GRIK3: variants seen among roughly 807,000 people sequenced by gnomAD.
GRIK3 encodes the protein glutamate ionotropic receptor kainate type subunit 3.
A neutral mutation model predicts 102.5 loss-of-function variants in GRIK3; 29 were observed. The observed-to-expected ratio is 0.28, with a 90% confidence interval of 0.21 to 0.39. The LOEUF is 0.39. Ranked by LOEUF, GRIK3 falls within the 10% of genes least tolerant of loss-of-function variation. GRIK3 has a pLI of 1.00. For missense variants in GRIK3, 908 were observed against 1,252.4 expected (o/e 0.73, Z 4.15); for synonymous variants, 511 against 504.9 (o/e 1.01, Z -0.16).
At chr1:36,989,155 T>A (rs1450662002) in intron 1 of GRIK3, among the ~76,000 whole-genome samples, 2 of 152,120 alleles carry the variant, frequency 1.3e-5, no homozygotes. Context: ...CCCGTACACA[T>A]GCTCCATGGT....
chr1:36,919,570 G>A (rs1641444230), intron 1 of GRIK3, among the ~76,000 whole-genome samples: 1 of 152,030 alleles, frequency 6.6e-6, no homozygotes, highest in African/African-American at 2.4e-5. Context: ...CAGGAGTCAG[G>A]CATGGTCATG....
chr1:36,902,075 C>CA (rs752246629), intron 1 of GRIK3, among the ~76,000 whole-genome samples: 39 of 152,162 alleles, frequency 2.6e-4, no homozygotes, highest in Non-Finnish European at 4.6e-4. Flanking sequence ...TGAAAGAAAT[C>CA]AAAGAATAAC....
In GRIK3 at chr1:36,872,767, G is replaced by A. The variant is rs1640857377; in HGVS notation, c.551-398C>T. 6.6e-6 allele frequency among the ~76,000 whole-genome samples: 1 copy of A among 152,076 alleles called. No individual in the cohort carries two copies. The highest frequency in any genetic ancestry group is 1.5e-5 in the Non-Finnish European group (1 of 68,022). ...CCCAGAATGGGTGTAAAGCCTTCAG[G>A]GCCTAAATCAGAGTTCACCCCTCTT... On this transcript the variant is annotated intron_variant, in intron 3 of 15. Coordinates refer to ENST00000373091, the MANE Select transcript of GRIK3 (RefSeq NM_000831.4). This position sits in a 1 kb window ranked among gnomAD's most constrained non-coding sequence, Gnocchi z 5.9.
intron 1 of GRIK3, among the ~76,000 whole-genome samples, chr1:36,896,045 T>C (rs1287924282): frequency 2.0e-5 from 3 of 152,102 alleles, no homozygotes; most frequent in Admixed American, 1.3e-4. Flanking sequence ...CCTTCAAAAG[T>C]GGAGAGAAAT....
intron 1 of GRIK3, among the ~76,000 whole-genome samples, chr1:36,955,421 C>T (rs1324247597): frequency 6.6e-6 from 1 of 152,216 alleles, no homozygotes; most frequent in Non-Finnish European, 1.5e-5. Context: ...GGCACACTCA[C>T]AGCACCCAAC....
rs1454572099 is a variant in GRIK3 at position 36,825,717 on chromosome 1, G to A, written c.1640C>T (p.Pro547Leu). Residue 547 changes from proline to leucine, a missense_variant, in exon 11 of 16, where the codon CCC (proline) becomes CTC (leucine). Physicochemically the swap from Pro to Leu is moderately conservative, Grantham distance 98. Coordinates refer to ENST00000373091, the MANE Select transcript of GRIK3 (RefSeq NM_000831.4). ...GAAGACGCTGGGGTTGGTGCCATTG[G>A]GCTTTCGATACAGGATGCTCACACC... ...TLGVSILYRK[P>L]NGTNPSVFSF... 1 of 1,613,838 alleles carries A rather than the reference G, an allele frequency of 6.2e-7. No individual in the cohort carries two copies. The highest frequency in any genetic ancestry group is 1.3e-5 in the African/African-American group (1 of 74,914).
intron 13 of GRIK3, among the ~76,000 whole-genome samples, chr1:36,808,839 G>A (rs547467821): frequency 1.3e-5 from 2 of 152,260 alleles, no homozygotes; most frequent in South Asian, 2.1e-4. Flanking sequence ...TCACATAAGC[G>A]ACTTCTGCTC....
intron 1 of GRIK3, among the ~76,000 whole-genome samples, chr1:36,995,242 T>G (rs1029967814): frequency 1.3e-5 from 2 of 152,308 alleles, no homozygotes; most frequent in African/African-American, 4.8e-5. Flanking sequence ...ATCATCATCA[T>G]TATTGTTCAT....
chr1:37,014,791 G>T (rs896711352), intron 1 of GRIK3, among the ~76,000 whole-genome samples: 6 of 152,006 alleles, frequency 3.9e-5, no homozygotes, highest in Non-Finnish European at 4.4e-5. Context: ...GGGCATTTGA[G>T]GACTTGGTCA....
chr1:36,876,254 G>A (rs1640911396), intron 3 of GRIK3, among the ~76,000 whole-genome samples: 1 of 152,170 alleles, frequency 6.6e-6, no homozygotes, highest in South Asian at 2.1e-4. Context: ...CTACTTGGGA[G>A]GCTGAGGTGG....
At chr1:36,931,095 C>T (rs1641583855) in intron 1 of GRIK3, among the ~76,000 whole-genome samples, 1 of 152,212 alleles carries the variant, frequency 6.6e-6, no homozygotes, top group South Asian at 2.1e-4. Context: ...GTCTCCCCTT[C>T]ACTCAGTCGG....
chr1:36,956,090 G>T (rs935293882), intron 1 of GRIK3, among the ~76,000 whole-genome samples: 1 of 152,242 alleles, frequency 6.6e-6, no homozygotes, highest in African/African-American at 2.4e-5. Context: ...GTCCTGAGCC[G>T]TGGGGTGCTC....
Position 36,966,880 on chromosome 1 carries a change from A to G in GRIK3, c.115+67114T>C, listed in dbSNP as rs145982885. On this transcript the variant is annotated intron_variant, in intron 1 of 15. Coordinates refer to ENST00000373091, the MANE Select transcript of GRIK3 (RefSeq NM_000831.4). ...TGGTGAGTCCCTCATTCATTTATTC[A>G]CCAAGTATATAATAAGACCCACTAT... Among the ~76,000 whole-genome samples, 792 of 152,182 alleles carry G rather than the reference A, an allele frequency of 5.2e-3. 9 individuals are homozygous for G. The highest frequency in any genetic ancestry group is 0.018 in the African/African-American group (758 of 41,528).
chr1:36,893,190 C>T (rs1570784011), intron 1 of GRIK3, among the ~76,000 whole-genome samples: 1 of 151,964 alleles, frequency 6.6e-6, no homozygotes, highest in Non-Finnish European at 1.5e-5. Context: ...TTTGATAGCT[C>T]CACAAAAATA....
intron 7 of GRIK3, among the ~76,000 whole-genome samples, chr1:36,854,624 A>G: frequency 6.6e-6 from 1 of 152,036 alleles, no homozygotes; most frequent in East Asian, 1.9e-4. Flanking sequence ...TTTATATATT[A>G]CTTGTGTGCT....
At chr1:36,923,364 G>T (rs1570801235) in intron 1 of GRIK3, among the ~76,000 whole-genome samples, 1 of 152,340 alleles carries the variant, frequency 6.6e-6, no homozygotes, top group East Asian at 1.9e-4. Context: ...TCTACTGATT[G>T]GAACAGGGAA....
intron 3 of GRIK3, among the ~76,000 whole-genome samples, chr1:36,879,366 T>A (rs1008460936): frequency 1.1e-4 from 17 of 152,196 alleles, no homozygotes; most frequent in African/African-American, 3.9e-4. Flanking sequence ...TGGTGCTGCA[T>A]GCCTATAGTT....
chr1:36,938,822 A>G (rs886268893), intron 1 of GRIK3, among the ~76,000 whole-genome samples: 5 of 152,108 alleles, frequency 3.3e-5, no homozygotes, highest in African/African-American at 1.2e-4. Flanking sequence ...CAAACAAGAG[A>G]GGGGAGGGAG....
intron 1 of GRIK3, among the ~76,000 whole-genome samples, chr1:36,899,846 G>T (rs1557718413): frequency 6.6e-6 from 1 of 152,046 alleles, no homozygotes; most frequent in Non-Finnish European, 1.5e-5. Flanking sequence ...ATGATGAAGG[G>T]GTCAATTATC....
Sources: allele counts gnomAD v4.1 joint callset (sites outside exome capture counted in the v4.1 genomes callset), GRCh38; gene constraint gnomAD v4.1.1; non-coding constraint Gnocchi (gnomAD v3.1); transcripts MANE v1.5; gene names NCBI Gene and HGNC (gene_info 2026-07-23, HGNC 2026-07-21).